Variants in INPP4A observed in about 807,000 individuals in gnomAD.
INPP4A encodes inositol polyphosphate-4-phosphatase, type I, 107kD.
In INPP4A, 33 loss-of-function variants were observed where a neutral mutation model predicts 119.8. The observed-to-expected ratio is 0.28, with a 90% CI of 0.21 to 0.37. INPP4A has a LOEUF of 0.37. Among genes scored for constraint, INPP4A ranks in the 10% least tolerant of loss-of-function variants. The probability of loss-of-function intolerance (pLI) is 1.00; values close to 1 mark genes in which losing one functional copy is unlikely to be tolerated. For synonymous variants in INPP4A, 496 were observed against 500.7 expected (o/e 0.99, Z 0.12); for missense variants, 956 against 1,289.9 (o/e 0.74, Z 3.97).
At chr2:98,531,644 G>A (rs747995684) in intron 4 of INPP4A, among the ~76,000 whole-genome samples, 2 of 152,136 alleles carry the variant, frequency 1.3e-5, no homozygotes, top group Admixed American at 6.5e-5. Context: ...CAACTAGACC[G>A]ACCGCTGACT....
At chr2:98,508,590 A>G (rs1684530685) in intron 1 of INPP4A, among the ~76,000 whole-genome samples, 1 of 152,154 alleles carries the variant, frequency 6.6e-6, no homozygotes, top group Non-Finnish European at 1.5e-5. Flanking sequence ...GAAATACTGG[A>G]TGCTTTCCTC....
At chr2:98,477,537 CG>C (rs1273098034) in intron 1 of INPP4A, among the ~76,000 whole-genome samples, 1 of 152,208 alleles carries the variant, frequency 6.6e-6, no homozygotes, top group Non-Finnish European at 1.5e-5. Flanking sequence ...GCCTCAATGT[CG>C]GCGAGTCTTG....
At position 98,555,759 on chromosome 2, in the gene INPP4A, A is replaced by G; in HGVS notation, c.1773A>G (p.Pro591=). ...CCTTCTGTGATGTCCCCTCCTCACC[A>G]TGCCCCTCCACCATGCCCTCCACTG... ...EDPFCDVPSS[P]CPSTMPSTAC... The change falls in exon 16 of 25, where the codon CCA becomes CCG. Residue 591 remains proline, a synonymous_variant. Coordinates refer to ENST00000409851, the MANE Select transcript of INPP4A (RefSeq NM_001134225.2). The G allele has an allele frequency of 6.3e-7, 1 of 1,586,432 alleles. No homozygotes were observed. The highest frequency in any genetic ancestry group is 8.6e-7 in the Non-Finnish European group (1 of 1,165,868).
At chr2:98,578,301 C>T (rs555022811) in intron 24 of INPP4A, among the ~76,000 whole-genome samples, 10 of 152,152 alleles carry the variant, frequency 6.6e-5, no homozygotes, top group Non-Finnish European at 1.5e-4. Flanking sequence ...CGCCTGTGCC[C>T]ATTAGCTGCA....
intron 1 of INPP4A, among the ~76,000 whole-genome samples, chr2:98,482,825 A>C (rs919221792): frequency 6.6e-6 from 1 of 152,278 alleles, no homozygotes; most frequent in South Asian, 2.1e-4. Context: ...AAGTGAAAGC[A>C]TAATAGAGGT....
In INPP4A at chr2:98,564,752, T is replaced by G; in HGVS notation, c.2141T>G (p.Leu714Arg). 6 of 1,593,624 alleles carry G rather than the reference T, an allele frequency of 3.8e-6. No individual in the cohort carries two copies. Among genetic ancestry groups the G allele is most frequent in the Non-Finnish European group, 5.1e-6 (6 of 1,170,038 alleles). The change falls in exon 19 of 25, where the codon CTG becomes CGG. Residue 714 changes from leucine (L) to arginine (R), a missense_variant. Leu to Arg is a moderately radical substitution (Grantham distance 102). Coordinates refer to ENST00000409851, the MANE Select transcript of INPP4A (RefSeq NM_001134225.2). ...CTGCTGGCCCAGTTCGAGAGCCTGC[T>G]GAGCACCTACGGTGAGGCGCCCGGG... is the stretch of plus-strand genomic sequence containing the variant. ...IGLLAQFESL[L>R]STYGEELAML...
intron 1 of INPP4A, among the ~76,000 whole-genome samples, chr2:98,485,585 C>G (rs1158994939): frequency 6.6e-6 from 1 of 152,176 alleles, no homozygotes; most frequent in Non-Finnish European, 1.5e-5. Flanking sequence ...AGGGCTCACT[C>G]TCGCTTCGGG....
chr2:98,516,308 T>C (rs903978353), intron 1 of INPP4A, among the ~76,000 whole-genome samples: 2 of 152,214 alleles, frequency 1.3e-5, no homozygotes, highest in African/African-American at 4.8e-5. Context: ...AAGGTCTTTT[T>C]GACCTAAAAG....
At chr2:98,576,651 G>A (rs532541540) in intron 23 of INPP4A, among the ~76,000 whole-genome samples, 83 of 152,350 alleles carry the variant, frequency 5.4e-4, no homozygotes, top group African/African-American at 1.9e-3. Context: ...AGGGCTGAAC[G>A]TGATAAGAGG....
intron 19 of INPP4A, among the ~76,000 whole-genome samples, chr2:98,565,153 A>G (rs1696199157): frequency 6.6e-6 from 1 of 152,336 alleles, no homozygotes. Flanking sequence ...ATTGCCCTCT[A>G]AAAAGGCTCT....
intron 13 of INPP4A, among the ~76,000 whole-genome samples, chr2:98,548,386 C>T (rs1692867883): frequency 6.6e-6 from 1 of 152,020 alleles, no homozygotes; most frequent in African/African-American, 2.4e-5. Context: ...TCCTGTGCCA[C>T]CGCAGCTCTG....
chr2:98,504,142 A>G (rs1683621892), intron 1 of INPP4A, among the ~76,000 whole-genome samples: 1 of 152,248 alleles, frequency 6.6e-6, no homozygotes, highest in South Asian at 2.1e-4. Flanking sequence ...GAGGACTGCC[A>G]GTGGGGGTCC....
Position 98,466,163 on chromosome 2 carries a change from A to G in INPP4A, c.-166+21078A>G, listed in dbSNP as rs141031854. On this transcript the variant is annotated intron_variant, in intron 1 of 24. Transcript: ENST00000409851. ...TGGATTCAAGCGATTCTCCTGCCTC[A>G]GCCTCTTGAGTAGCTGGGACTACAG... is the stretch of plus-strand genomic sequence containing the variant. 5.2e-3 allele frequency among the ~76,000 whole-genome samples: 792 copies of G among 152,286 alleles called. 12 individuals carry two copies. The highest frequency in any genetic ancestry group is 0.018 in the African/African-American group (736 of 41,562).
chr2:98,522,881 AC>A (rs1433730241), intron 4 of INPP4A, among the ~76,000 whole-genome samples: 2 of 152,220 alleles, frequency 1.3e-5, no homozygotes, highest in Non-Finnish European at 2.9e-5. Context: ...TATATTTTCA[AC>A]CCAGAATTCT....
In INPP4A at chr2:98,594,262, G is replaced by T. The variant is rs1700512560; in HGVS notation, c.*6654G>T. On this transcript the variant is annotated 3_prime_UTR_variant, in exon 25 of 25. Transcript: ENST00000409851. ...AAAAGTCAGGCTAAAATTACAGGGG[G>T]TTCAGGCAATGTTATCTTGATCTGG... The T allele has an allele frequency of 6.6e-6, 1 of 152,182 alleles. No individual in the cohort carries two copies. The highest frequency in any genetic ancestry group is 2.4e-5 in the African/African-American group (1 of 41,438). 9.4% of individuals were successfully genotyped at this position (152,182 alleles called of 1,614,324 possible).
chr2:98,509,111 T>G (rs1221795060), intron 1 of INPP4A, among the ~76,000 whole-genome samples: 1 of 152,176 alleles, frequency 6.6e-6, no homozygotes, highest in Non-Finnish European at 1.5e-5. Flanking sequence ...CCATTCATCT[T>G]TGTTACACTT....
At chr2:98,560,207 A>G (rs1208436574) in intron 17 of INPP4A, among the ~76,000 whole-genome samples, 1 of 152,168 alleles carries the variant, frequency 6.6e-6, no homozygotes, top group Non-Finnish European at 1.5e-5. Flanking sequence ...TCCCCCAAAT[A>G]ATATGATTTG....
intron 1 of INPP4A, among the ~76,000 whole-genome samples, chr2:98,490,611 A>G (rs1680521281): frequency 6.6e-6 from 1 of 152,198 alleles, no homozygotes; most frequent in Non-Finnish European, 1.5e-5. Context: ...GACCTGGTTT[A>G]GTCCTGACCC....
chr2:98,450,320 G>T (rs1224938211), intron 1 of INPP4A, among the ~76,000 whole-genome samples: 1 of 152,258 alleles, frequency 6.6e-6, no homozygotes, highest in East Asian at 1.9e-4. Flanking sequence ...AAAAATGAAA[G>T]CTTTTCAATG....
Sources: allele counts gnomAD v4.1 joint callset (sites outside exome capture counted in the v4.1 genomes callset), GRCh38; gene constraint gnomAD v4.1.1; transcripts MANE v1.5; gene names NCBI Gene and HGNC (gene_info 2026-07-23, HGNC 2026-07-21).